Variants in XKR5 observed in about 807,000 individuals in gnomAD.
The protein encoded by XKR5 is XK related 5, also known as XK-related protein 5.
In XKR5, 46 loss-of-function variants were observed where a neutral mutation model predicts 40.8. That is an observed-to-expected ratio of 1.13 (90% CI 0.89 to 1.44). The LOEUF (loss-of-function observed/expected upper bound fraction) is 1.44. XKR5 is among the 40% of genes most tolerant of loss of function. The pLI is 0.00. For missense variants in XKR5, 1,169 were observed against 844.7 expected (o/e 1.38, Z -4.76); for synonymous variants, 466 against 356.1 (o/e 1.31, Z -3.48).
chr8:6,825,336 C>G lies in XKR5; in HGVS notation c.256G>C (p.Ala86Pro). The G allele has an allele frequency of 6.4e-7, 1 of 1,573,378 alleles. No homozygotes were observed. The highest frequency in any genetic ancestry group is 8.6e-7 in the Non-Finnish European group (1 of 1,163,878). ...LGVWKRHWDA[A>P]LTSLQKELEA... is the part of the protein sequence containing the mutation. ...AGTTCCTTCTGCAGACTGGTCAGTG[C>G]AGCGTCCCAGTGCCTAGGGAACAGC... Residue 86 changes from alanine (A) to proline (P), a missense_variant, in exon 3 of 7, where the codon GCA becomes CCA. Ala to Pro is a conservative substitution (Grantham distance 27, BLOSUM62 -1). Coordinates refer to ENST00000618742, the MANE Select transcript of XKR5 (RefSeq NM_207411.5).
At chr8:6,832,637 A>C in intron 2 of XKR5, 80 bp downstream of exon 2, 1 of 1,557,680 alleles carries the variant, frequency 6.4e-7, no homozygotes, top group Non-Finnish European at 8.8e-7. Flanking sequence ...GCTTGAGGAC[A>C]GAATCCACAT....
intron 2 of XKR5, among the ~76,000 whole-genome samples, chr8:6,830,059 G>C (rs536923895): frequency 6.6e-6 from 1 of 151,760 alleles, no homozygotes; most frequent in African/African-American, 2.4e-5. Context: ...GGATGGTCTG[G>C]ATCTCCTGAC....
intron 2 of XKR5, among the ~76,000 whole-genome samples, chr8:6,830,290 C>G (rs1804703021): frequency 6.6e-6 from 1 of 152,182 alleles, no homozygotes; most frequent in East Asian, 1.9e-4. Flanking sequence ...CCCTACAGGT[C>G]CTTTTCTAGA....
At chr8:6,835,188 G>T (rs1488327955) in intron 1 of XKR5, among the ~76,000 whole-genome samples, 5 of 129,678 alleles carry the variant, frequency 3.9e-5, no homozygotes, top group Non-Finnish European at 3.4e-5. Flanking sequence ...GTCGGGAGGG[G>T]GGGGAACCGA....
intron 2 of XKR5, among the ~76,000 whole-genome samples, chr8:6,828,132 T>C (rs1332551560): frequency 1.3e-5 from 2 of 152,046 alleles, no homozygotes; most frequent in East Asian, 1.9e-4. Context: ...AGATTCAGTG[T>C]GGAAAGAAAA....
chr8:6,835,186 G>A (rs28668629), intron 1 of XKR5, among the ~76,000 whole-genome samples: 5 of 126,712 alleles, frequency 3.9e-5, no homozygotes, highest in African/African-American at 1.4e-4. Context: ...CAGTCGGGAG[G>A]GGGGGGAACC....
At chr8:6,819,072 T>C (rs1162593332) in intron 5 of XKR5, among the ~76,000 whole-genome samples, 1 of 152,168 alleles carries the variant, frequency 6.6e-6, no homozygotes, top group East Asian at 1.9e-4. Flanking sequence ...AAACACCTTA[T>C]GTTCCTTCTT....
intron 5 of XKR5, among the ~76,000 whole-genome samples, chr8:6,817,414 A>C (rs1289400607): frequency 6.6e-6 from 1 of 152,098 alleles, no homozygotes; most frequent in Non-Finnish European, 1.5e-5. Context: ...ACCAAACTCC[A>C]GTCAGCCTTC....
At chr8:6,821,796 C>A in intron 5 of XKR5, 73 bp downstream of exon 5, 1 of 1,375,248 alleles carries the variant, frequency 7.3e-7, no homozygotes, top group Non-Finnish European at 1.0e-6. Context: ...ACACACACCC[C>A]CCACACACAC....
At chr8:6,816,326 C>T (rs1415656356) in intron 5 of XKR5, among the ~76,000 whole-genome samples, 1 of 152,168 alleles carries the variant, frequency 6.6e-6, no homozygotes, top group Non-Finnish European at 1.5e-5. Context: ...CATGATGCCA[C>T]TGAATTCCAG....
At chr8:6,832,091 C>G (rs1003555799) in intron 2 of XKR5, among the ~76,000 whole-genome samples, 2 of 151,650 alleles carry the variant, frequency 1.3e-5, no homozygotes, top group Admixed American at 6.6e-5. Flanking sequence ...GAAATGTGCC[C>G]TTGATATAAA....
chr8:6,818,773 G>C (rs535460288), intron 5 of XKR5, among the ~76,000 whole-genome samples: 2 of 152,322 alleles, frequency 1.3e-5, no homozygotes, highest in African/African-American at 2.4e-5. Context: ...GCAGGGCTGA[G>C]GCCCAGCTGC....
Position 6,811,499 on chromosome 8 carries a change from C to T in XKR5, c.1760G>A (p.Gly587Asp), listed in dbSNP as rs746373015. 6 of 1,528,240 alleles carry T rather than the reference C, an allele frequency of 3.9e-6. No individual in the cohort carries two copies. The highest frequency in any genetic ancestry group is 1.7e-4 in the Middle Eastern group (1 of 5,940). The allele number at this position is 1,528,240 out of a possible 1,614,324, so 94.7% of individuals were successfully genotyped here. Residue 587 changes from glycine to aspartate, a missense_variant, in exon 7 of 7, where the codon GGC becomes GAC. Coordinates refer to ENST00000618742, the MANE Select transcript of XKR5 (RefSeq NM_207411.5). ...CATGGTGTCGGGGAAGGGCGCCAAG[C>T]CCACTGGGTGGGGCGATGCAGGCTG... ...PAQPASPHPV[G>D]LAPFPDTMAD...
chr8:6,826,086 A>G (rs143861241), intron 2 of XKR5, among the ~76,000 whole-genome samples: 484 of 152,232 alleles, frequency 3.2e-3, no homozygotes, highest in Non-Finnish European at 5.2e-3. Context: ...ATGTATGTGT[A>G]TGTGCATGTG....
At chr8:6,829,102 G>A (rs758903456) in intron 2 of XKR5, 1 of 155,464 alleles carries the variant, frequency 6.4e-6, no homozygotes, top group Non-Finnish European at 1.5e-5. Flanking sequence ...TCCAGGGCTA[G>A]GGCTATATTT....
At position 6,811,154 on chromosome 8, in the gene XKR5, A is replaced by G; in HGVS notation, c.*44T>C. 1 of 1,492,608 alleles carries G rather than the reference A, an allele frequency of 6.7e-7. No homozygotes were observed. The highest frequency in any genetic ancestry group is 8.9e-7 in the Non-Finnish European group (1 of 1,121,254). The allele number at this position is 1,492,608 out of a possible 1,614,324, so 92.5% of individuals were successfully genotyped here. A position where few individuals can be genotyped will look rare whatever the true frequency, so the allele number is the denominator to read the frequency against. On this transcript the variant is annotated 3_prime_UTR_variant, in exon 7 of 7. Coordinates refer to ENST00000618742, the MANE Select transcript of XKR5 (RefSeq NM_207411.5). ...TCCTTTCTCACGGTACCAAATGGCC[A>G]GCTTGGTTTGTCAGCCTGTTGTCTT...
chr8:6,834,688 A>G (rs1289043462), intron 1 of XKR5, among the ~76,000 whole-genome samples: 3 of 148,828 alleles, frequency 2.0e-5, no homozygotes, highest in Admixed American at 1.3e-4. Context: ...CACCCCAGGG[A>G]CTCTGCCCGG....
intron 5 of XKR5, among the ~76,000 whole-genome samples, chr8:6,816,905 T>A (rs936293099): frequency 5.3e-5 from 8 of 152,058 alleles, no homozygotes; most frequent in African/African-American, 1.9e-4. Context: ...ATAAAAAAAA[T>A]TATGAGGAGC....
chr8:6,822,352 G>A (rs1472384772), intron 4 of XKR5, among the ~76,000 whole-genome samples: 1 of 152,150 alleles, frequency 6.6e-6, no homozygotes, highest in East Asian at 1.9e-4. Context: ...GTTTAAAGGG[G>A]CAGTTATAAA....
Sources: gnomAD v4.1 joint callset for allele counts (sites outside exome capture counted in the v4.1 genomes callset) on GRCh38, gnomAD v4.1.1 for gene constraint, MANE v1.5 for transcripts, NCBI Gene and HGNC (gene_info 2026-07-23, HGNC 2026-07-21) for gene names.